ZNF516: variants seen among roughly 807,000 people sequenced by gnomAD.
The protein encoded by ZNF516 is zinc finger protein 516.
A neutral mutation model predicts 79.7 loss-of-function variants in ZNF516; 19 were observed. The observed-to-expected ratio is 0.24, with a 90% CI of 0.17 to 0.35. The LOEUF is 0.35. Among genes scored for constraint, ZNF516 ranks in the 10% least tolerant of loss-of-function variants. The probability of loss-of-function intolerance (pLI) is 1.00; values close to 1 mark genes in which losing one functional copy is unlikely to be tolerated. For missense variants in ZNF516, 1,678 were observed against 1,679.5 expected (o/e 1.00, Z 0.02); for synonymous variants, 877 against 739.5 (o/e 1.19, Z -3.02).
intron 2 of ZNF516, among the ~76,000 whole-genome samples, chr18:76,455,066 G>A (rs1912637631): frequency 6.6e-6 from 1 of 152,192 alleles, no homozygotes; most frequent in South Asian, 2.1e-4. Flanking sequence ...TCCCAGCCTG[G>A]GTTATATGGG....
intron 2 of ZNF516, among the ~76,000 whole-genome samples, chr18:76,448,710 C>G (rs941645401): frequency 6.6e-6 from 1 of 152,114 alleles, no homozygotes; most frequent in Admixed American, 6.6e-5. Flanking sequence ...CAGGGGCTAA[C>G]GAGGGTATCC....
At chr18:76,415,462 T>G (rs1568272784) in intron 3 of ZNF516, among the ~76,000 whole-genome samples, 1 of 152,144 alleles carries the variant, frequency 6.6e-6, no homozygotes, top group East Asian at 1.9e-4. Context: ...GCCATCGCCT[T>G]AGACTGTAAG....
At chr18:76,492,379 G>A (rs1915282305) in intron 1 of ZNF516, 4 of 984,462 alleles carry the variant, frequency 4.1e-6, no homozygotes, top group Non-Finnish European at 4.8e-6. Context: ...CGCTGTGCCC[G>A]TGAATACGCC....
At chr18:76,494,562 A>G (rs1401706403) in intron 1 of ZNF516, among the ~76,000 whole-genome samples, 4 of 150,520 alleles carry the variant, frequency 2.7e-5, no homozygotes, top group African/African-American at 7.3e-5. Flanking sequence ...AGGGGGCCGT[A>G]AAAAACAAGG....
intron 1 of ZNF516, chr18:76,491,670 C>T: frequency 1.7e-6 from 1 of 605,256 alleles, no homozygotes; most frequent in Non-Finnish European, 2.1e-6. Flanking sequence ...CGGCCACCGC[C>T]CCCACCCCGG....
intron 3 of ZNF516, among the ~76,000 whole-genome samples, chr18:76,440,855 C>T (rs576424264): frequency 2.1e-4 from 32 of 152,278 alleles, no homozygotes; most frequent in South Asian, 1.2e-3. Context: ...TGATGGTGTT[C>T]TTTGCTCAGA....
rs1222618864 is a variant in ZNF516 at position 76,358,801 on chromosome 18, A to G, written c.*3697T>C. On this transcript the variant is annotated 3_prime_UTR_variant, in exon 7 of 7. Coordinates refer to ENST00000443185, the MANE Select transcript of ZNF516 (RefSeq NM_014643.4). ...AGTTTGAAGGAAGGAATGTTGGTAG[A>G]CAGTCTCCAGCCACGAAAGCCCAGG... 2.6e-5 allele frequency: 4 copies of G among 152,234 alleles called. No individual in the cohort carries two copies. Among genetic ancestry groups the G allele is most frequent in the Non-Finnish European group, 4.4e-5 (3 of 68,088 alleles). 9.4% of individuals were successfully genotyped at this position (152,234 alleles called of 1,614,324 possible).
chr18:76,442,075 A>G lies in ZNF516; in HGVS notation c.980T>C (p.Ile327Thr). The G allele has an allele frequency of 6.2e-7, 1 of 1,613,928 alleles. No individual in the cohort carries two copies. The highest frequency in any genetic ancestry group is 1.1e-5 in the South Asian group (1 of 91,084). The change falls in exon 3 of 7, where the codon ATC (isoleucine) becomes ACC (threonine). Residue 327 changes from isoleucine to threonine, a missense_variant. By Grantham distance (89) the Ile-to-Thr change is moderately conservative. Coordinates refer to ENST00000443185, the MANE Select transcript of ZNF516 (RefSeq NM_014643.4). ...CTCGTAGAGGCTCAGGCCGGCGACG[A>G]TCACCTCCTCCTGGACCACGTTGTT... ...TINNVVQEEV[I>T]VAGLSLYEVC...
chr18:76,419,483 C>T (rs944838707), intron 3 of ZNF516, among the ~76,000 whole-genome samples: 2 of 152,170 alleles, frequency 1.3e-5, no homozygotes, highest in African/African-American at 2.4e-5. Flanking sequence ...AAATAAAATA[C>T]TTCAATTTCA....
At chr18:76,403,658 C>G (rs1293293381) in intron 3 of ZNF516, among the ~76,000 whole-genome samples, 1 of 152,120 alleles carries the variant, frequency 6.6e-6, no homozygotes, top group African/African-American at 2.4e-5. Flanking sequence ...AGTGAGAAAA[C>G]AGGCGCATGT....
intron 3 of ZNF516, among the ~76,000 whole-genome samples, chr18:76,440,569 T>C (rs116385138): frequency 1.4e-3 from 216 of 152,342 alleles, no homozygotes; most frequent in African/African-American, 5.1e-3. Context: ...GAAAACAAAG[T>C]TGGCCAAGCA....
At chr18:76,452,803 T>A (rs985283743) in intron 2 of ZNF516, among the ~76,000 whole-genome samples, 1 of 152,196 alleles carries the variant, frequency 6.6e-6, no homozygotes, top group South Asian at 2.1e-4. Flanking sequence ...GGCAGCTGAA[T>A]ACACAATCTA....
intron 1 of ZNF516, among the ~76,000 whole-genome samples, chr18:76,485,916 A>AAATAATAGTAATAATAAT (rs1555721328): frequency 2.7e-5 from 4 of 148,414 alleles, no homozygotes; most frequent in African/African-American, 9.8e-5. Flanking sequence ...TTTTTGACAA[A>AAATAATAGTAATAATAAT]AATAATAATA....
chr18:76,378,740 C>G (rs567756937), intron 4 of ZNF516, 115 bp downstream of exon 4: 1 of 1,426,506 alleles, frequency 7.0e-7, no homozygotes, highest in Non-Finnish European at 9.3e-7. Flanking sequence ...GGGATGGGGC[C>G]GGCTGGCTCT....
intron 2 of ZNF516, among the ~76,000 whole-genome samples, chr18:76,453,780 G>A (rs1912558733): frequency 6.6e-6 from 1 of 151,984 alleles, no homozygotes; most frequent in Admixed American, 6.6e-5. Flanking sequence ...TTTTTAACTG[G>A]GTGACACTTC....
intron 3 of ZNF516, among the ~76,000 whole-genome samples, chr18:76,399,835 A>G (rs1431504155): frequency 6.6e-6 from 1 of 152,182 alleles, no homozygotes; most frequent in Non-Finnish European, 1.5e-5. Flanking sequence ...GAGGAGACCC[A>G]GCCACCAGCC....
intron 1 of ZNF516, among the ~76,000 whole-genome samples, chr18:76,473,291 A>G (rs1384810794): frequency 6.6e-6 from 1 of 151,062 alleles, no homozygotes; most frequent in African/African-American, 2.4e-5. Flanking sequence ...AATGGAATAA[A>G]CTCACTTATT....
intron 3 of ZNF516, among the ~76,000 whole-genome samples, chr18:76,400,554 C>T (rs1474101350): frequency 2.0e-5 from 3 of 152,150 alleles, no homozygotes; most frequent in African/African-American, 4.8e-5. Context: ...GTACTGACCC[C>T]GTACTTGGTT....
In ZNF516 at chr18:76,441,301, A is replaced by G; in HGVS notation, c.1754T>C (p.Leu585Pro). Residue 585 changes from leucine (L) to proline (P), a missense_variant, in exon 3 of 7, where the codon CTG (leucine) becomes CCG (proline). Transcript: ENST00000443185. ...ACTGTCTTCGGCAGCCTCGTCGGCC[A>G]GGCCAGAGCCCGGGGAGTCAGCAGC... The part of the protein sequence containing the change: ...CAAADSPGSG[L>P]ADEAAEDSGE... 3.7e-6 allele frequency: 6 copies of G among 1,611,486 alleles called. No individual in the cohort carries two copies. The highest frequency in any genetic ancestry group is 3.4e-6 in the Non-Finnish European group (4 of 1,179,516).
Sources: gnomAD v4.1 joint callset for allele counts (sites outside exome capture counted in the v4.1 genomes callset) on GRCh38, gnomAD v4.1.1 for gene constraint, MANE v1.5 for transcripts, NCBI Gene and HGNC (gene_info 2026-07-23, HGNC 2026-07-21) for gene names.